The following AGGF1 variants were observed in gnomAD, a reference collection of about 807,000 sequenced individuals.
AGGF1 encodes the protein angiogenic factor with G-patch and FHA domains 1.
In AGGF1, 56 loss-of-function variants were observed where a neutral mutation model predicts 86.5. The observed-to-expected ratio is 0.65, with a 90% confidence interval of 0.52 to 0.81. AGGF1 has a LOEUF of 0.81. AGGF1 is among the 30% of genes least tolerant of loss of function. AGGF1 has a pLI of 0.00. For synonymous variants in AGGF1, 313 were observed against 297.1 expected, an observed-to-expected ratio of 1.05 and a Z score of -0.55; for missense variants, 816 against 850.9, an observed-to-expected ratio of 0.96 and a Z score of 0.51.
Position 77,055,587 on chromosome 5 carries a change from T to C in AGGF1, c.1707T>C (p.Tyr569=), listed in dbSNP as rs756628294. The C allele has an allele frequency of 4.9e-5, 77 of 1,581,906 alleles. No homozygotes were observed. The highest frequency in any genetic ancestry group is 6.4e-5 in the Non-Finnish European group (74 of 1,152,036). ...RKELKKIRVK[Y]GLQNTEYEDE... ...AATTAAAGAAAATACGAGTAAAATA[T>C]GGTTTACAGGTGAGGATGTTGAATA... Residue 569 remains tyrosine (Y), a synonymous_variant, in exon 11 of 14, where the codon TAT becomes TAC. Coordinates refer to ENST00000312916, the MANE Select transcript of AGGF1 (RefSeq NM_018046.5).
chr5:77,041,499 G>A (rs200054016), intron 5 of AGGF1, among the ~76,000 whole-genome samples: 7 of 151,022 alleles, frequency 4.6e-5, no homozygotes, highest in East Asian at 2.0e-4. Flanking sequence ...CCTGGGAGGC[G>A]GAGGTTGCAG....
chr5:77,036,415 A>G, intron 3 of AGGF1, 141 bp from the exon 4 acceptor site: 1 of 877,538 alleles, frequency 1.1e-6, no homozygotes, highest in Non-Finnish European at 1.8e-6. Context: ...AAGTGGTTCA[A>G]GTCATAATTG....
At chr5:77,053,386 G>A (rs923058036) in intron 9 of AGGF1, among the ~76,000 whole-genome samples, 2 of 152,172 alleles carry the variant, frequency 1.3e-5, no homozygotes, top group African/African-American at 4.8e-5. Flanking sequence ...GGGCGTGGTG[G>A]TGTGTGCCTG....
At chr5:77,043,587 ACCC>A (rs1272861911) in intron 5 of AGGF1, among the ~76,000 whole-genome samples, 3 of 18,052 alleles carry the variant, frequency 1.7e-4, no homozygotes, top group African/African-American at 3.7e-4. Flanking sequence ...CGGGGGGCTG[ACCC>A]CCCCCCCCCC....
intron 4 of AGGF1, 137 bp downstream of exon 4, chr5:77,036,857 C>A: frequency 1.1e-6 from 1 of 943,082 alleles, no homozygotes; most frequent in South Asian, 1.4e-5. Context: ...TATGTCTCAG[C>A]ATCCCAAGTA....
intron 1 of AGGF1, among the ~76,000 whole-genome samples, chr5:77,032,481 G>A (rs919648599): frequency 2.0e-5 from 3 of 148,102 alleles, no homozygotes; most frequent in Admixed American, 1.4e-4. Flanking sequence ...GGAGAATGGC[G>A]TGAACCCGGG....
intron 8 of AGGF1, among the ~76,000 whole-genome samples, chr5:77,050,880 A>G (rs1218503101): frequency 6.6e-6 from 1 of 152,238 alleles, no homozygotes; most frequent in Non-Finnish European, 1.5e-5. Context: ...TTCACAGTAA[A>G]GGAAATATCA....
At position 77,036,562 on chromosome 5, in the gene AGGF1, G is replaced by A; in HGVS notation, c.523G>A (p.Ala175Thr). ...ATGACTATATCTTTTATAGGAGCCA[G>A]CATCTGCATTAGCAACAGAAGATAC... ...DHFASNSQEP[A>T]SALATEDTSL... The change falls in exon 4 of 14, where the codon GCA (alanine) becomes ACA (threonine). Residue 175 changes from alanine to threonine, a missense_variant. By Grantham distance (58) the Ala-to-Thr change is moderately conservative. Transcript: ENST00000312916. 6.2e-7 allele frequency: 1 copy of A among 1,614,064 alleles called. No individual in the cohort carries two copies. Among genetic ancestry groups the A allele is most frequent in the African/African-American group, 1.3e-5 (1 of 75,040 alleles).
chr5:77,046,387 A>G lies in AGGF1; in HGVS notation c.911A>G (p.His304Arg), dbSNP rs1357204301. Reference protein sequence around the residue: ...SEDQKAFSVEHTSCNEEENFA... With the variant: ...SEDQKAFSVERTSCNEEENFA... Reference sequence around the variant, plus strand: ...GATCAAAAAGCCTTCAGTGTTGAACATACAAGCTGCAATGAGGAAGAAAAT... The same window carrying G: ...GATCAAAAAGCCTTCAGTGTTGAACGTACAAGCTGCAATGAGGAAGAAAAT... The change falls in exon 6 of 14, where the codon CAT becomes CGT. Residue 304 changes from histidine to arginine, a missense_variant. By Grantham distance (29) the His-to-Arg change is conservative. Around this residue, in one of 3 missense-constraint regions of AGGF1, gnomAD observed 565 missense variants for 585.8 expected, o/e 0.96. Transcript: ENST00000312916. 3 of 1,613,918 alleles carry G rather than the reference A, an allele frequency of 1.9e-6. No individual in the cohort carries two copies. Among genetic ancestry groups the G allele is most frequent in the Admixed American group, 3.3e-5 (2 of 60,032 alleles).
At position 77,034,485 on chromosome 5, in the gene AGGF1, TACAA is replaced by T. The variant is rs1182732893; in HGVS notation, c.282_285del (p.Thr95ArgfsTer26). ...GATAATAAAAAGTCTGATGTAGAAG[TACAA>T]ACAGAGAACCATGCTCCTTGGTCAA... On this transcript the variant is annotated frameshift_variant, in exon 2 of 14. Coordinates refer to ENST00000312916, the MANE Select transcript of AGGF1 (RefSeq NM_018046.5). LOFTEE classifies it high-confidence loss of function. The T allele has an allele frequency of 1.3e-5, 21 of 1,613,278 alleles. No homozygotes were observed. Among genetic ancestry groups the T allele is most frequent in the Non-Finnish European group, 1.5e-5 (18 of 1,179,442 alleles).
intron 8 of AGGF1, among the ~76,000 whole-genome samples, chr5:77,052,027 TTGGCCTTGAGTGTTTCA>T (rs1747379865): frequency 6.6e-6 from 1 of 152,198 alleles, no homozygotes; most frequent in Non-Finnish European, 1.5e-5. Flanking sequence ...CTCTGAGAAG[TTGGCCTTGAGTGTTTCA>T]AATCACATTT....
At chr5:77,032,653 A>G (rs1746893016) in intron 1 of AGGF1, among the ~76,000 whole-genome samples, 1 of 152,030 alleles carries the variant, frequency 6.6e-6, no homozygotes, top group African/African-American at 2.4e-5. Context: ...CTCCTTTATA[A>G]TTCTAAATTG....
intron 8 of AGGF1, 83 bp from the exon 9 acceptor site, chr5:77,052,623 G>A: frequency 3.2e-6 from 3 of 946,700 alleles, no homozygotes; most frequent in Non-Finnish European, 4.9e-6. Flanking sequence ...AAAGGCTCAA[G>A]TTAACATCAT....
At chr5:77,043,092 C>T (rs1747153667) in intron 5 of AGGF1, among the ~76,000 whole-genome samples, 1 of 55,192 alleles carries the variant, frequency 1.8e-5, no homozygotes, top group African/African-American at 6.9e-5. Flanking sequence ...CGGGCAGAGG[C>T]GCCCCTCACC....
intron 5 of AGGF1, among the ~76,000 whole-genome samples, chr5:77,044,602 A>G (rs1043427786): frequency 7.2e-5 from 11 of 152,200 alleles, no homozygotes; most frequent in Non-Finnish European, 1.0e-4. Flanking sequence ...GTTGTTCAGT[A>G]AGTAATAAAT....
Position 77,055,498 on chromosome 5 carries a change from A to T in AGGF1, c.1634-16A>T, listed in dbSNP as rs1381334810. 1 of 1,563,226 alleles carries T rather than the reference A, an allele frequency of 6.4e-7. No individual in the cohort carries two copies. Among genetic ancestry groups the T allele is most frequent in the South Asian group, 1.1e-5 (1 of 88,662 alleles). On this transcript the variant is annotated splice_polypyrimidine_tract_variant and intron_variant, in intron 10 of 13. Transcript: ENST00000312916. ...GATTTAGTGGCTTTTTTTTAACCAAACTTTTTTTCTTTCAGTTGGTCCAAC... is the reference window on the plus strand; with the variant it reads ...GATTTAGTGGCTTTTTTTTAACCAATCTTTTTTTCTTTCAGTTGGTCCAAC...
rs1490294327 is a variant in AGGF1 at position 77,030,414 on chromosome 5, C to T, written c.-353C>T. 2.0e-6 allele frequency: 1 copy of T among 501,922 alleles called. No individual in the cohort carries two copies. The highest frequency in any genetic ancestry group is 1.5e-5 in the South Asian group (1 of 64,998). 31.1% of individuals were successfully genotyped at this position (501,922 alleles called of 1,614,324 possible). A position where few individuals can be genotyped will look rare whatever the true frequency, so the allele number is the denominator to read the frequency against. ...CCGCCTGCCGCTGGCGCCGTTGTTT[C>T]CGGCTCAACTGGGGAGCTGCTGGAG... is the stretch of plus-strand genomic sequence containing the variant. On this transcript the variant is annotated 5_prime_UTR_variant, in exon 1 of 14. Transcript: ENST00000312916.
chr5:77,048,633 A>G (rs1747315697), intron 7 of AGGF1, among the ~76,000 whole-genome samples: 1 of 152,140 alleles, frequency 6.6e-6, no homozygotes, highest in Non-Finnish European at 1.5e-5. Context: ...CAGGCACATA[A>G]GCTGCCACGC....
intron 5 of AGGF1, among the ~76,000 whole-genome samples, chr5:77,041,785 T>TA (rs1436551340): frequency 5.3e-4 from 60 of 112,984 alleles, no homozygotes; most frequent in African/African-American, 1.9e-3. Context: ...CAAGAACTTT[T>TA]TTTATTTATT....
Sources: gnomAD v4.1 joint callset for allele counts (sites outside exome capture counted in the v4.1 genomes callset) on GRCh38, gnomAD v4.1.1 for gene constraint, gnomAD v4.1.1 regional missense constraint, MANE v1.5 for transcripts, NCBI Gene and HGNC (gene_info 2026-07-23, HGNC 2026-07-21) for gene names.